NCK2: variants seen among roughly 807,000 people sequenced by gnomAD.
NCK2 encodes NCK adaptor protein 2, also known as cytoplasmic protein NCK2.
In NCK2, 16 loss-of-function variants were observed where a neutral mutation model predicts 33.9. The ratio of observed to expected loss-of-function variants is 0.47; its 90% CI spans 0.32 to 0.72. NCK2 has a LOEUF of 0.72. Among genes scored for constraint, NCK2 ranks in the 30% least tolerant of loss-of-function variants. NCK2 has a pLI of 0.03. For missense variants in NCK2, 418 were observed against 537.3 expected (o/e 0.78, Z 2.19); for synonymous variants, 273 against 239.9 (o/e 1.14, Z -1.27).
chr2:105,763,556 T>C (rs778534616), intron 1 of NCK2, among the ~76,000 whole-genome samples: 26 of 152,132 alleles, frequency 1.7e-4, no homozygotes, highest in African/African-American at 6.0e-4. Flanking sequence ...GTGGGAAATA[T>C]TCAATTTGTT....
chr2:105,885,658 G>A (rs1177221845), intron 4 of NCK2, among the ~76,000 whole-genome samples: 2 of 152,046 alleles, frequency 1.3e-5, no homozygotes, highest in Admixed American at 6.6e-5. Context: ...TTAATAGCAC[G>A]TTTCTTGGTG....
At chr2:105,777,065 G>C (rs1342642272) in intron 1 of NCK2, among the ~76,000 whole-genome samples, 1 of 151,910 alleles carries the variant, frequency 6.6e-6, no homozygotes, top group Non-Finnish European at 1.5e-5. Flanking sequence ...GCAAAATGAG[G>C]CCTTGAGAGT....
chr2:105,882,874 G>T (rs1247871697), intron 4 of NCK2, among the ~76,000 whole-genome samples: 1 of 152,168 alleles, frequency 6.6e-6, no homozygotes, highest in African/African-American at 2.4e-5. Context: ...GAATTGTATT[G>T]GTTCTAGGAG....
intron 1 of NCK2, among the ~76,000 whole-genome samples, chr2:105,801,303 T>G (rs1457031799): frequency 6.6e-6 from 1 of 152,116 alleles, no homozygotes; most frequent in Non-Finnish European, 1.5e-5. Context: ...TGGACGTCAT[T>G]GTAGGGATCC....
intron 4 of NCK2, among the ~76,000 whole-genome samples, chr2:105,886,283 C>T (rs1043550102): frequency 2.0e-5 from 3 of 152,204 alleles, no homozygotes; most frequent in Non-Finnish European, 4.4e-5. Flanking sequence ...GCAGTACAGG[C>T]TGTTATCTGG....
chr2:105,788,253 A>T (rs1690751223), intron 1 of NCK2, among the ~76,000 whole-genome samples: 2 of 152,086 alleles, frequency 1.3e-5, no homozygotes, highest in South Asian at 4.1e-4. Context: ...TGCTTAAAGG[A>T]TTTTTGTGCC....
At chr2:105,753,689 G>A (rs1689523068) in intron 1 of NCK2, among the ~76,000 whole-genome samples, 1 of 152,192 alleles carries the variant, frequency 6.6e-6, no homozygotes, top group African/African-American at 2.4e-5. Context: ...GGAATAGCTT[G>A]CACAAGGCCA....
At chr2:105,843,588 G>A (rs1031435817) in intron 2 of NCK2, among the ~76,000 whole-genome samples, 1 of 152,154 alleles carries the variant, frequency 6.6e-6, no homozygotes, top group African/African-American at 2.4e-5. Flanking sequence ...AGAAACAAAC[G>A]AACGAACACT....
At chr2:105,843,579 G>A (rs1558865723) in intron 2 of NCK2, among the ~76,000 whole-genome samples, 1 of 152,144 alleles carries the variant, frequency 6.6e-6, no homozygotes, top group Admixed American at 6.5e-5. Flanking sequence ...TGTGCTCAAA[G>A]AAACAAACGA....
intron 2 of NCK2, among the ~76,000 whole-genome samples, chr2:105,848,778 A>T (rs188162320): frequency 3.3e-5 from 5 of 152,240 alleles, no homozygotes; most frequent in Admixed American, 6.5e-5. Context: ...GAGTTTCCAT[A>T]AATTGATCAG....
chr2:105,839,142 G>T (rs984404690), intron 2 of NCK2, among the ~76,000 whole-genome samples: 2 of 152,176 alleles, frequency 1.3e-5, no homozygotes, highest in South Asian at 2.1e-4. Context: ...GAGAGCTGGG[G>T]AAGAGCATTC....
At chr2:105,803,024 G>A (rs1674900562) in intron 1 of NCK2, among the ~76,000 whole-genome samples, 1 of 152,054 alleles carries the variant, frequency 6.6e-6, no homozygotes, top group Non-Finnish European at 1.5e-5. Context: ...GCAATATTGG[G>A]ATGGTGAGGT....
intron 1 of NCK2, among the ~76,000 whole-genome samples, chr2:105,764,179 C>T (rs976380903): frequency 6.6e-6 from 1 of 152,258 alleles, no homozygotes; most frequent in African/African-American, 2.4e-5. Context: ...TGCAATGATC[C>T]TTGGTGTGGG....
intron 2 of NCK2, among the ~76,000 whole-genome samples, chr2:105,832,293 T>G (rs1205810488): frequency 6.6e-6 from 1 of 152,234 alleles, no homozygotes; most frequent in Non-Finnish European, 1.5e-5. Flanking sequence ...TTCCGTTTTC[T>G]TTTCCAGTAT....
intron 2 of NCK2, among the ~76,000 whole-genome samples, chr2:105,848,828 T>C (rs894171397): frequency 1.3e-5 from 2 of 152,242 alleles, no homozygotes; most frequent in Non-Finnish European, 2.9e-5. Flanking sequence ...GAAAAAAGTC[T>C]TAAGGAGCCA....
chr2:105,767,769 C>T (rs376823104), intron 1 of NCK2, among the ~76,000 whole-genome samples: 3 of 152,298 alleles, frequency 2.0e-5, no homozygotes, highest in South Asian at 2.1e-4. Flanking sequence ...TTGAGGTTTC[C>T]GTGCCCGCAC....
intron 1 of NCK2, among the ~76,000 whole-genome samples, chr2:105,815,581 A>G (rs911393113): frequency 6.6e-6 from 1 of 152,228 alleles, no homozygotes; most frequent in African/African-American, 2.4e-5. Context: ...TGCAGTGAAC[A>G]TAACGCAGCT....
Position 105,802,069 on chromosome 2 carries a change from AG to A in NCK2, c.-200-14360del, listed in dbSNP as rs1674862387. Among the ~76,000 whole-genome samples the A allele has an allele frequency of 2.0e-5, 3 of 152,208 alleles. No individual in the cohort carries two copies. The South Asian group carries it at 6.2e-4, about 31-fold the overall frequency. ...TGCCTTTGACCATGATTTGTACAGC[AG>A]CTTGGATGAAGAGCTGGAAACCTGC... On this transcript the variant is annotated intron_variant, in intron 1 of 4. Transcript: ENST00000233154.
intron 3 of NCK2, chr2:105,855,503 G>T (rs1677225625): frequency 4.0e-6 from 2 of 495,128 alleles, no homozygotes; most frequent in Non-Finnish European, 7.2e-6. Flanking sequence ...GGGGTCCTGT[G>T]TATGGAGACA....
Sources: gnomAD v4.1 joint callset for allele counts (sites outside exome capture counted in the v4.1 genomes callset) on GRCh38, gnomAD v4.1.1 for gene constraint, MANE v1.5 for transcripts, NCBI Gene and HGNC (gene_info 2026-07-23, HGNC 2026-07-21) for gene names.